GALNT18: variants seen among roughly 807,000 people sequenced by gnomAD.
The protein encoded by GALNT18 is polypeptide N-acetylgalactosaminyltransferase 18.
A neutral mutation model predicts 69.5 loss-of-function variants in GALNT18; 44 were observed. The observed-to-expected ratio is 0.63, with a 90% CI of 0.50 to 0.81. The LOEUF (loss-of-function observed/expected upper bound fraction) is 0.81. GALNT18 is among the 40% of genes least tolerant of loss of function. The pLI is 0.00. For missense variants in GALNT18, 715 were observed against 810.0 expected (o/e 0.88, Z 1.42); for synonymous variants, 364 against 318.2 (o/e 1.14, Z -1.53).
chr11:11,491,738 G>A (rs181637974), intron 1 of GALNT18, among the ~76,000 whole-genome samples: 4 of 152,316 alleles, frequency 2.6e-5, no homozygotes, highest in East Asian at 1.9e-4. Flanking sequence ...GGCCAGCAGC[G>A]AAGTGCTGGG....
chr11:11,554,186 C>T (rs150536634), intron 1 of GALNT18, among the ~76,000 whole-genome samples: 1 of 152,182 alleles, frequency 6.6e-6, no homozygotes, highest in African/African-American at 2.4e-5. Context: ...CCTGTGAGGA[C>T]AGCAATGTTT....
chr11:11,318,503 G>A lies in GALNT18; in HGVS notation c.1512+8583C>T, dbSNP rs1849792608. ...GTGCCTGGAGTAGAATCTTTCCTAGGCCTTCAGAGGGAGCTTGGCCCTGCT... is the reference window on the plus strand; with the variant it reads ...GTGCCTGGAGTAGAATCTTTCCTAGACCTTCAGAGGGAGCTTGGCCCTGCT... On this transcript the variant is annotated intron_variant, in intron 9 of 10. Transcript: ENST00000227756. This position sits in a 1 kb window ranked among gnomAD's most constrained non-coding sequence, Gnocchi z 5.1. Among the ~76,000 whole-genome samples the A allele has an allele frequency of 6.6e-6, 1 of 152,164 alleles. No homozygotes were observed. Among genetic ancestry groups the A allele is most frequent in the Non-Finnish European group, 1.5e-5 (1 of 68,032 alleles).
rs1565036743 is a variant in GALNT18 at position 11,602,675 on chromosome 11, A to C, written c.235+18684T>G. ...TGGGTGTTGTTTAATAATTTTTACC[A>C]GTTATGTTGTTTCACTGGGCAAAGG... On this transcript the variant is annotated intron_variant, in intron 1 of 10. Transcript: ENST00000227756. This position sits in a 1 kb window ranked among gnomAD's most constrained non-coding sequence, Gnocchi z 4.7. Among the ~76,000 whole-genome samples, 1 of 152,110 alleles carries C rather than the reference A, an allele frequency of 6.6e-6. No individual in the cohort carries two copies. The highest frequency in any genetic ancestry group is 2.1e-4 in the South Asian group (1 of 4,820).
At position 11,613,980 on chromosome 11, in the gene GALNT18, C is replaced by A. The variant is rs1398167710; in HGVS notation, c.235+7379G>T. ...ACTTTCTGTGTAACATCACCTCCAG[C>A]TGTACTGCTTGGCAATGTGCTTCTC... is the stretch of plus-strand genomic sequence containing the variant. On this transcript the variant is annotated intron_variant, in intron 1 of 10. Transcript: ENST00000227756. The surrounding 1 kb of genome is among the most constrained non-coding windows in gnomAD (Gnocchi z 4.2). 1.3e-5 allele frequency among the ~76,000 whole-genome samples: 2 copies of A among 152,180 alleles called. No individual in the cohort carries two copies. Among genetic ancestry groups the A allele is most frequent in the Non-Finnish European group, 2.9e-5 (2 of 68,038 alleles).
At chr11:11,567,063 G>A (rs1438993757) in intron 1 of GALNT18, among the ~76,000 whole-genome samples, 2 of 152,176 alleles carry the variant, frequency 1.3e-5, no homozygotes, top group Admixed American at 1.3e-4. Context: ...GGCCTCAGAA[G>A]CTATGGAAGA....
chr11:11,522,121 C>T (rs1001696804), intron 1 of GALNT18, among the ~76,000 whole-genome samples: 7 of 152,110 alleles, frequency 4.6e-5, no homozygotes, highest in Admixed American at 6.5e-5. Flanking sequence ...AAGGAAGGCC[C>T]TAGGAGGCCC....
intron 6 of GALNT18, among the ~76,000 whole-genome samples, chr11:11,361,644 A>G (rs1039617600): frequency 2.6e-5 from 4 of 152,188 alleles, no homozygotes; most frequent in African/African-American, 9.7e-5. Flanking sequence ...CATCTCTTAC[A>G]GCTTATACTC....
intron 10 of GALNT18, among the ~76,000 whole-genome samples, chr11:11,271,502 G>A (rs1017743408): frequency 2.0e-5 from 3 of 148,818 alleles, no homozygotes; most frequent in African/African-American, 7.4e-5. Flanking sequence ...TCTTCACAGA[G>A]CCCTAGTTCT....
rs1191919906 is a variant in GALNT18 at position 11,332,076 on chromosome 11, C to T, written c.1416+618G>A. On this transcript the variant is annotated intron_variant, in intron 8 of 10. Coordinates refer to ENST00000227756, the MANE Select transcript of GALNT18 (RefSeq NM_198516.3). This position sits in a 1 kb window ranked among gnomAD's most constrained non-coding sequence, Gnocchi z 4.3. ...TTTAACAGGTGAAGAAACTGAGGCC[C>T]ATGACATTAAGACACTTACCTGGGA... Among the ~76,000 whole-genome samples, 1 of 152,090 alleles carries T rather than the reference C, an allele frequency of 6.6e-6. No homozygotes were observed. Among genetic ancestry groups the T allele is most frequent in the East Asian group, 1.9e-4 (1 of 5,180 alleles).
At chr11:11,468,461 C>CTGAGTCTTT (rs1333157904) in intron 1 of GALNT18, among the ~76,000 whole-genome samples, 1 of 152,124 alleles carries the variant, frequency 6.6e-6, no homozygotes, top group African/African-American at 2.4e-5. Flanking sequence ...TTTTAAGATT[C>CTGAGTCTTT]TGAGTCTTTT....
At chr11:11,450,204 C>A (rs1340295834) in intron 1 of GALNT18, among the ~76,000 whole-genome samples, 1 of 152,204 alleles carries the variant, frequency 6.6e-6, no homozygotes, top group Non-Finnish European at 1.5e-5. Flanking sequence ...ACAGGAGAGG[C>A]AGGCTTGGGA....
chr11:11,363,406 G>A (rs929843208), intron 6 of GALNT18, among the ~76,000 whole-genome samples: 1 of 152,118 alleles, frequency 6.6e-6, no homozygotes. Flanking sequence ...GTACATCCTA[G>A]TGGGATAAAA....
intron 6 of GALNT18, among the ~76,000 whole-genome samples, chr11:11,365,882 A>G (rs1352492025): frequency 2.0e-5 from 3 of 152,200 alleles, no homozygotes; most frequent in Admixed American, 2.0e-4. Context: ...TAATTCTTGG[A>G]ACTGTAGAAA....
At chr11:11,569,206 T>C (rs1858724937) in intron 1 of GALNT18, among the ~76,000 whole-genome samples, 1 of 150,166 alleles carries the variant, frequency 6.7e-6, no homozygotes, top group Non-Finnish European at 1.5e-5. Flanking sequence ...CAGCTTCCTC[T>C]ATTTCTCCAA....
At chr11:11,296,842 A>C (rs1035024162) in intron 9 of GALNT18, among the ~76,000 whole-genome samples, 5 of 152,186 alleles carry the variant, frequency 3.3e-5, no homozygotes, top group Non-Finnish European at 5.9e-5. Context: ...GAGGTTCGGC[A>C]AAGAGGATTT....
chr11:11,500,808 G>A lies in GALNT18; in HGVS notation c.236-51872C>T, dbSNP rs968796035. On this transcript the variant is annotated intron_variant, in intron 1 of 10. Coordinates refer to ENST00000227756, the MANE Select transcript of GALNT18 (RefSeq NM_198516.3). The surrounding 1 kb of genome is among the most constrained non-coding windows in gnomAD (Gnocchi z 5.0). The stretch of plus-strand genomic sequence containing the variant: ...TGTATTTTCTGTACAAATAAAGAAG[G>A]TAAAAAGGCCGGGCACAGCACCAGG... Among the ~76,000 whole-genome samples the A allele has an allele frequency of 6.6e-6, 1 of 152,208 alleles. No individual in the cohort carries two copies. Among genetic ancestry groups the A allele is most frequent in the African/African-American group, 2.4e-5 (1 of 41,450 alleles).
At chr11:11,408,919 G>A (rs961887368) in intron 3 of GALNT18, among the ~76,000 whole-genome samples, 28 of 152,154 alleles carry the variant, frequency 1.8e-4, no homozygotes, top group Middle Eastern at 3.2e-3. Flanking sequence ...AGGCTGACAC[G>A]TGAGCCCAGA....
At chr11:11,279,647 A>G (rs961523035) in intron 10 of GALNT18, among the ~76,000 whole-genome samples, 4 of 152,158 alleles carry the variant, frequency 2.6e-5, no homozygotes, top group Non-Finnish European at 5.9e-5. Flanking sequence ...CAGACAAAAT[A>G]CAAACAAACA....
intron 4 of GALNT18, 40 bp downstream of exon 4, chr11:11,379,041 T>C (rs1853842884): frequency 1.3e-6 from 2 of 1,511,918 alleles, no homozygotes; most frequent in East Asian, 2.3e-5. Flanking sequence ...AAGCCCCAGA[T>C]CCCACTGGGA....
Sources: allele counts gnomAD v4.1 joint callset (sites outside exome capture counted in the v4.1 genomes callset), GRCh38; gene constraint gnomAD v4.1.1; non-coding constraint Gnocchi (gnomAD v3.1); transcripts MANE v1.5; gene names NCBI Gene and HGNC (gene_info 2026-07-23, HGNC 2026-07-21).